PCDH7: variants seen among roughly 807,000 people sequenced by gnomAD.
The protein encoded by PCDH7 is protocadherin-7.
A neutral mutation model predicts 58.9 loss-of-function variants in PCDH7; 17 were observed. That is an observed-to-expected ratio of 0.29 (90% confidence interval 0.20 to 0.43). The LOEUF is 0.43. PCDH7 is among the 20% of genes least tolerant of loss of function. The pLI is 1.00. For synonymous variants in PCDH7, 664 were observed against 616.4 expected, an observed-to-expected ratio of 1.08 and a Z score of -1.14; for missense variants, 1,274 against 1,441.0, an observed-to-expected ratio of 0.88 and a Z score of 1.88.
intron 3 of PCDH7, among the ~76,000 whole-genome samples, chr4:30,986,027 A>G (rs917020614): frequency 3.9e-5 from 6 of 152,206 alleles, no homozygotes; most frequent in African/African-American, 1.4e-4. Flanking sequence ...TTTTAAATTC[A>G]AAGCTTAGTC....
intron 2 of PCDH7, among the ~76,000 whole-genome samples, chr4:30,937,085 T>A (rs1745447484): frequency 6.6e-6 from 1 of 152,000 alleles, no homozygotes; most frequent in South Asian, 2.1e-4. Flanking sequence ...CTGGAGTTGG[T>A]CCCATGACTC....
At chr4:30,799,910 A>G (rs1041626138) in intron 1 of PCDH7, among the ~76,000 whole-genome samples, 6 of 151,318 alleles carry the variant, frequency 4.0e-5, no homozygotes, top group Non-Finnish European at 7.4e-5. Flanking sequence ...CTGGAGTGCA[A>G]TGGCGCAATC....
At chr4:30,838,708 C>T (rs559787231) in intron 1 of PCDH7, among the ~76,000 whole-genome samples, 21 of 151,846 alleles carry the variant, frequency 1.4e-4, no homozygotes, top group East Asian at 9.7e-4. Flanking sequence ...TCTCTCTATG[C>T]ACATCCTGGA....
chr4:30,729,635 A>T (rs1047166121), intron 1 of PCDH7, among the ~76,000 whole-genome samples: 1 of 152,078 alleles, frequency 6.6e-6, no homozygotes, highest in Admixed American at 6.6e-5. Flanking sequence ...AACATTCTAC[A>T]CATTATGTAT....
intron 1 of PCDH7, among the ~76,000 whole-genome samples, chr4:30,805,162 T>G (rs1726022191): frequency 6.6e-6 from 1 of 152,212 alleles, no homozygotes; most frequent in Non-Finnish European, 1.5e-5. Flanking sequence ...TTCTAATAGA[T>G]GTCTATGTCT....
chr4:30,812,084 G>T (rs1028887527), intron 1 of PCDH7, among the ~76,000 whole-genome samples: 19 of 152,172 alleles, frequency 1.2e-4, no homozygotes, highest in Non-Finnish European at 4.4e-5. Context: ...TCTATTCCAA[G>T]AACGGCAAAT....
At chr4:31,011,004 A>G (rs1035354962) in intron 3 of PCDH7, among the ~76,000 whole-genome samples, 5 of 151,942 alleles carry the variant, frequency 3.3e-5, no homozygotes, top group African/African-American at 9.7e-5. Context: ...CCCCTATATC[A>G]CAATAGCAGA....
chr4:31,089,212 CTA>C (rs1367122217), intron 3 of PCDH7, among the ~76,000 whole-genome samples: 2 of 151,852 alleles, frequency 1.3e-5, no homozygotes, highest in Non-Finnish European at 2.9e-5. Context: ...TATAATTGGA[CTA>C]TGTCTTCAAA....
At chr4:30,725,904 C>G (rs923590601) in intron 1 of PCDH7, among the ~76,000 whole-genome samples, 2 of 152,048 alleles carry the variant, frequency 1.3e-5, no homozygotes, top group African/African-American at 4.8e-5. Context: ...TAGTACTTTA[C>G]TGTAGCTATT....
downstream of PCDH7, chr4:31,143,112 CAA>C (rs796939097): frequency 2.6e-4 from 25 of 97,250 alleles, no homozygotes; most frequent in South Asian, 6.9e-4. Flanking sequence ...CACCCCTCTC[CAA>C]AAAAAAAAAA....
intron 3 of PCDH7, among the ~76,000 whole-genome samples, chr4:31,124,767 C>T (rs1193743075): frequency 6.6e-6 from 1 of 152,182 alleles, no homozygotes; most frequent in Non-Finnish European, 1.5e-5. Flanking sequence ...TCTGTACATT[C>T]TTTTCCAATA....
chr4:31,051,414 A>C (rs1173126383), intron 3 of PCDH7, among the ~76,000 whole-genome samples: 1 of 152,172 alleles, frequency 6.6e-6, no homozygotes, highest in East Asian at 1.9e-4. Context: ...GAGCAGCAGA[A>C]CTATAGGATA....
At chr4:30,966,112 A>G (rs561416643) in intron 3 of PCDH7, among the ~76,000 whole-genome samples, 1 of 152,326 alleles carries the variant, frequency 6.6e-6, no homozygotes, top group East Asian at 1.9e-4. Context: ...TGCTTAAATC[A>G]AAGGATTTTC....
intron 3 of PCDH7, among the ~76,000 whole-genome samples, chr4:31,102,287 T>C (rs1312389771): frequency 1.3e-5 from 2 of 151,968 alleles, no homozygotes; most frequent in African/African-American, 4.8e-5. Context: ...AGTACAAAAA[T>C]TGGAAACTGA....
chr4:30,939,465 T>A (rs766548420), intron 2 of PCDH7, among the ~76,000 whole-genome samples: 1 of 152,134 alleles, frequency 6.6e-6, no homozygotes, highest in Non-Finnish European at 1.5e-5. Flanking sequence ...TGAATTGTAT[T>A]GTTGTGAGAC....
At chr4:31,098,377 T>G (rs1018457751) in intron 3 of PCDH7, among the ~76,000 whole-genome samples, 5 of 152,214 alleles carry the variant, frequency 3.3e-5, no homozygotes, top group African/African-American at 1.2e-4. Flanking sequence ...AGTGAGCACC[T>G]ATTTTATATC....
rs147465945 is a variant in PCDH7, at chr4:30,757,753, G to A, written c.70+33157G>A. On this transcript the variant is annotated intron_variant, in intron 1 of 3. Coordinates refer to the PCDH7 transcript ENST00000509759. ...ATTAAATTTTTATATGCCTATTCCC[G>A]CAATTATGTGACCTTTTCAAGAAAA... 1.1e-3 allele frequency among the ~76,000 whole-genome samples: 173 copies of A among 152,056 alleles called. 1 individual carries two copies. Among genetic ancestry groups the A allele is most frequent in the African/African-American group, 3.9e-3 (163 of 41,466 alleles).
At chr4:30,986,802 G>A (rs1252749603) in intron 3 of PCDH7, among the ~76,000 whole-genome samples, 3 of 152,006 alleles carry the variant, frequency 2.0e-5, no homozygotes, top group African/African-American at 7.2e-5. Flanking sequence ...TCAACATGGT[G>A]ACATCCCGTC....
chr4:31,110,019 A>G (rs765905996), intron 3 of PCDH7, among the ~76,000 whole-genome samples: 1 of 152,242 alleles, frequency 6.6e-6, no homozygotes, highest in East Asian at 1.9e-4. Context: ...AAGTATACCT[A>G]GAACACCATA....
Sources: gnomAD v4.1 joint callset for allele counts (sites outside exome capture counted in the v4.1 genomes callset) on GRCh38, gnomAD v4.1.1 for gene constraint, MANE v1.5 for transcripts, NCBI Gene and HGNC (gene_info 2026-07-23, HGNC 2026-07-21) for gene names.